The following MALAT1 variants were observed in gnomAD, a reference collection of about 807,000 sequenced individuals.
The protein encoded by MALAT1 is metastasis associated lung adenocarcinoma transcript 1.
chr11:65,504,723 G>T (rs777398090), intron 3 of MALAT1: 5 of 518,880 alleles, frequency 9.6e-6, no homozygotes, highest in Non-Finnish European at 1.9e-5. Context: ...AAATTAAACT[G>T]GCAAGTGGAA....
rs370011837 is a variant in MALAT1 at position 65,498,236 on chromosome 11, G to A, written n.178+371G>A. The A allele has an allele frequency of 6.0e-4, 312 of 518,812 alleles. 6 individuals carry two copies. The highest frequency in any genetic ancestry group is 4.3e-3 in the South Asian group (307 of 71,594). The allele number at this position is 518,812 out of a possible 1,614,324, so 32.1% of individuals were successfully genotyped here. A position where few individuals can be genotyped will look rare whatever the true frequency, so the allele number is the denominator to read the frequency against. On this transcript the variant is annotated intron_variant and non_coding_transcript_variant, in intron 1 of 3. Transcript: ENST00000619449. ...TTCGCTTAGTTGGTCTACTTTAAAAGGCCACTTGAACTCGCTTTCCATGGC... is the reference window on the plus strand; with the variant it reads ...TTCGCTTAGTTGGTCTACTTTAAAAAGCCACTTGAACTCGCTTTCCATGGC...
intron 3 of MALAT1, chr11:65,506,187 C>CT (rs750740790): frequency 4.6e-6 from 2 of 435,424 alleles, no homozygotes; most frequent in Non-Finnish European, 8.8e-6. Context: ...GCTTTGACTA[C>CT]TAATCTGTCT....
intron 3 of MALAT1, chr11:65,504,791 C>T (rs1460139726): frequency 1.9e-6 from 1 of 518,848 alleles, no homozygotes; most frequent in East Asian, 5.4e-5. Context: ...TTCTCTCTCC[C>T]CTCCCTTGGT....
chr11:65,498,251 C>T (rs377150873), intron 1 of MALAT1: 16 of 518,682 alleles, frequency 3.1e-5, no homozygotes, highest in Non-Finnish European at 5.4e-5. Flanking sequence ...CTTGAACTCG[C>T]TTTCCATGGC....
At chr11:65,499,702 TAGAGA>T in exon 3 of MALAT1, 1 of 433,334 alleles carries the variant, frequency 2.3e-6, no homozygotes, top group Non-Finnish European at 4.5e-6. Flanking sequence ...AAGAAAAGAA[TAGAGA>T]AGATAGGGAA....
At chr11:65,498,323 G>A (rs772219951) in intron 1 of MALAT1, 1 of 517,862 alleles carries the variant, frequency 1.9e-6, no homozygotes, top group Non-Finnish European at 3.9e-6. Context: ...AAAAATTTCC[G>A]TGCGGGCCGT....
chr11:65,504,967 C>CTA (rs1194103739), intron 3 of MALAT1: 1 of 518,782 alleles, frequency 1.9e-6, no homozygotes. Flanking sequence ...ATTCTTCAGA[C>CTA]TATAGAAGGA....
intron 2 of MALAT1, chr11:65,498,861 G>C (rs1854466799): frequency 1.9e-6 from 1 of 518,294 alleles, no homozygotes; most frequent in African/African-American, 1.9e-5. Flanking sequence ...AAGTATTTCT[G>C]CATGTGTAGT....
At chr11:65,499,098 G>T in exon 3 of MALAT1, 1 of 518,330 alleles carries the variant, frequency 1.9e-6, no homozygotes, top group South Asian at 1.4e-5. Context: ...GGCGGAGCTT[G>T]AGGAAACCGC....
exon 3 of MALAT1, chr11:65,500,322 A>C (rs759773704): frequency 7.7e-6 from 4 of 518,656 alleles, no homozygotes; most frequent in Middle Eastern, 6.4e-4. Context: ...TTACCAACTT[A>C]ATGTTTTTGC....
exon 3 of MALAT1, chr11:65,502,840 T>TG (rs748268114): frequency 2.0e-6 from 1 of 503,068 alleles, no homozygotes; most frequent in South Asian, 1.5e-5. Context: ...TTTAAGCAAA[T>TG]GAAAGCTACC....
chr11:65,501,040 C>G (rs753282151), exon 3 of MALAT1: 2 of 509,012 alleles, frequency 3.9e-6, no homozygotes, highest in East Asian at 1.1e-4. Context: ...TGAGGAAAAC[C>G]AAATGAATTT....
chr11:65,502,391 CAAGT>C, exon 3 of MALAT1: 1 of 507,566 alleles, frequency 2.0e-6, no homozygotes, highest in Non-Finnish European at 3.9e-6. Flanking sequence ...TTTGTATTAT[CAAGT>C]AAGATTCTAT....
At chr11:65,501,453 T>A (rs1320250623) in exon 3 of MALAT1, 7 of 514,184 alleles carry the variant, frequency 1.4e-5, no homozygotes, top group Non-Finnish European at 2.7e-5. Context: ...TACTCTTTTT[T>A]CCCCCCACCC....
chr11:65,503,278 G>A (rs1217150327), exon 3 of MALAT1: 1 of 517,326 alleles, frequency 1.9e-6, no homozygotes, highest in Non-Finnish European at 3.9e-6. Flanking sequence ...ATCAACCATG[G>A]CACTTTCTCC....
chr11:65,500,937 A>C (rs745605025), exon 3 of MALAT1: 2 of 512,378 alleles, frequency 3.9e-6, no homozygotes, highest in African/African-American at 3.9e-5. Context: ...GCTTATACTC[A>C]TGAATCTTGT....
At chr11:65,501,569 GT>G in exon 3 of MALAT1, 1 of 518,640 alleles carries the variant, frequency 1.9e-6, no homozygotes. Flanking sequence ...GGGAGAAAAT[GT>G]TTTTTTCTAA....
At chr11:65,500,922 T>C (rs748307944) in exon 3 of MALAT1, 5 of 513,104 alleles carry the variant, frequency 9.7e-6, no homozygotes, top group East Asian at 5.4e-5. Context: ...GTTTCTCTTT[T>C]TCAGGCTTAT....
chr11:65,505,745 G>A (rs763313427), intron 3 of MALAT1: 1 of 518,960 alleles, frequency 1.9e-6, no homozygotes, highest in South Asian at 1.4e-5. Flanking sequence ...TAACAGAAGG[G>A]TATTAAAACC....
Sources: allele counts gnomAD v4.1 joint callset, GRCh38; gene constraint gnomAD v4.1.1; transcripts MANE v1.5; gene names NCBI Gene and HGNC (gene_info 2026-07-23, HGNC 2026-07-21).